The following FGF7 variants were observed in gnomAD, a reference collection of about 807,000 sequenced individuals.
FGF7 encodes FGF-7.
A neutral mutation model predicts 20.5 loss-of-function variants in FGF7; 6 were observed. That is an observed-to-expected ratio of 0.29 (90% confidence interval 0.16 to 0.58). The LOEUF is 0.58. Ranked by LOEUF, FGF7 falls within the 20% of genes least tolerant of loss-of-function variation. The pLI is 0.90. For synonymous variants in FGF7, 64 were observed against 74.7 expected (o/e 0.86, Z 0.74); for missense variants, 144 against 228.8 (o/e 0.63, Z 2.39).
At chr15:49,425,310 T>G (rs930335427) in intron 2 of FGF7, 2 of 152,016 alleles carry the variant, frequency 1.3e-5, no homozygotes, top group African/African-American at 4.8e-5. Flanking sequence ...GTTTTTCAAT[T>G]TAAAGCCTTA....
intron 2 of FGF7, among the ~76,000 whole-genome samples, chr15:49,454,418 A>G (rs1336452987): frequency 6.6e-6 from 1 of 152,158 alleles, no homozygotes; most frequent in Non-Finnish European, 1.5e-5. Flanking sequence ...AAGAGCCAAT[A>G]TTTATTGAGT....
intron 2 of FGF7, among the ~76,000 whole-genome samples, chr15:49,439,053 G>A (rs1367380304): frequency 2.0e-5 from 3 of 151,844 alleles, no homozygotes; most frequent in Non-Finnish European, 4.4e-5. Context: ...GGACTCTTAC[G>A]AGGTTGCAAT....
At chr15:49,461,887 A>G (rs1370148419) in intron 2 of FGF7, among the ~76,000 whole-genome samples, 1 of 152,218 alleles carries the variant, frequency 6.6e-6, no homozygotes, top group African/African-American at 2.4e-5. Flanking sequence ...TTTAAGACTG[A>G]TTATTGCCCA....
intron 2 of FGF7, among the ~76,000 whole-genome samples, chr15:49,427,825 T>C (rs2050257835): frequency 6.6e-6 from 1 of 151,780 alleles, no homozygotes; most frequent in Admixed American, 6.6e-5. Flanking sequence ...TGGGCTCGGG[T>C]AGATGGTTGG....
intron 2 of FGF7, among the ~76,000 whole-genome samples, chr15:49,450,818 A>G (rs1597276688): frequency 6.6e-6 from 1 of 152,264 alleles, no homozygotes; most frequent in East Asian, 1.9e-4. Flanking sequence ...AATCTGTTAC[A>G]GGCAATTGGA....
At chr15:49,449,114 T>G (rs1456874864) in intron 2 of FGF7, among the ~76,000 whole-genome samples, 1 of 151,914 alleles carries the variant, frequency 6.6e-6, no homozygotes, top group Admixed American at 6.6e-5. Flanking sequence ...AAACAGAGAC[T>G]TGAATGATAC....
rs2055393992 is a variant in FGF7, at chr15:49,477,018, C to T, written c.287-6133C>T. Among the ~76,000 whole-genome samples the T allele has an allele frequency of 3.3e-5, 5 of 151,594 alleles. No individual in the cohort carries two copies. The South Asian group carries it at 1.0e-3, about 32-fold the overall frequency. On this transcript the variant is annotated intron_variant, in intron 2 of 3. Coordinates refer to ENST00000267843, the MANE Select transcript of FGF7 (RefSeq NM_002009.4). ...GAGCTTGCAGTGAGCGGAGATCCCG[C>T]CACTGCACTCCAGCCTGGGCGACAA...
intron 2 of FGF7, among the ~76,000 whole-genome samples, chr15:49,455,826 T>C (rs898473911): frequency 6.6e-6 from 1 of 152,166 alleles, no homozygotes; most frequent in African/African-American, 2.4e-5. Context: ...CTTATCACTA[T>C]TGGGTATTAT....
intron 2 of FGF7, among the ~76,000 whole-genome samples, chr15:49,459,828 T>C (rs1457891725): frequency 6.6e-6 from 1 of 152,108 alleles, no homozygotes; most frequent in Non-Finnish European, 1.5e-5. Flanking sequence ...TCCACATTCA[T>C]CTCTTCCCAA....
chr15:49,446,149 C>A (rs1436328052), intron 2 of FGF7, among the ~76,000 whole-genome samples: 1 of 151,456 alleles, frequency 6.6e-6, no homozygotes, highest in Non-Finnish European at 1.5e-5. Context: ...AGGCTGACAA[C>A]AATTTTCATT....
chr15:49,479,918 G>C (rs1239066402), intron 2 of FGF7, among the ~76,000 whole-genome samples: 1 of 152,066 alleles, frequency 6.6e-6, no homozygotes, highest in Admixed American at 6.5e-5. Flanking sequence ...TCCGCCCATA[G>C]TTAACACTTC....
At position 49,485,489 on chromosome 15, in the gene FGF7, A is replaced by G. The variant is rs1403987106; in HGVS notation, c.*985A>G. ...TGTTATTTATAAAAAAAAAACCTTA[A>G]TAAGCTGTATCTGTTTCATATGCTT... On this transcript the variant is annotated 3_prime_UTR_variant, in exon 4 of 4. Coordinates refer to ENST00000267843, the MANE Select transcript of FGF7 (RefSeq NM_002009.4). 3 of 152,326 alleles carry G rather than the reference A, an allele frequency of 2.0e-5. No individual in the cohort carries two copies. The highest frequency in any genetic ancestry group is 4.4e-5 in the Non-Finnish European group (3 of 67,946). 9.4% of individuals were successfully genotyped at this position (152,326 alleles called of 1,614,324 possible).
At chr15:49,432,411 G>A (rs1226898399) in intron 2 of FGF7, among the ~76,000 whole-genome samples, 2 of 151,612 alleles carry the variant, frequency 1.3e-5, no homozygotes, top group Non-Finnish European at 3.0e-5. Context: ...ATTTCTCTGA[G>A]TCTATACTAT....
rs75884134 is a variant in FGF7 at position 49,439,590 on chromosome 15, T to C, written c.286+15007T>C. On this transcript the variant is annotated intron_variant, in intron 2 of 3. Coordinates refer to ENST00000267843, the MANE Select transcript of FGF7 (RefSeq NM_002009.4). ...ACATAAAATTAAGTTAAAGCAACAA[T>C]AGAAGAGAAACAGAGCAATAAGTTT... Among the ~76,000 whole-genome samples the C allele has an allele frequency of 2.7e-3, 415 of 151,800 alleles. 5 individuals are homozygous for C. The highest frequency in any genetic ancestry group is 9.4e-3 in the African/African-American group (390 of 41,454).
Position 49,487,969 on chromosome 15 carries a change from T to G in FGF7, c.*3465T>G, listed in dbSNP as rs1375556911. ...TTATTTGCCTCCCATAATCCAACTT[T>G]ACACATAAATAACACAAGGCTAAAG... is the stretch of plus-strand genomic sequence containing the variant. On this transcript the variant is annotated 3_prime_UTR_variant, in exon 4 of 4. Transcript: ENST00000267843. 6.6e-6 allele frequency: 1 copy of G among 151,914 alleles called. No homozygotes were observed. Among genetic ancestry groups the G allele is most frequent in the Admixed American group, 6.6e-5 (1 of 15,202 alleles). 9.4% of individuals were successfully genotyped at this position (151,914 alleles called of 1,614,324 possible).
chr15:49,438,730 G>A (rs1469565155), intron 2 of FGF7, among the ~76,000 whole-genome samples: 1 of 151,566 alleles, frequency 6.6e-6, no homozygotes, highest in Non-Finnish European at 1.5e-5. Context: ...CTAGGCCTCA[G>A]TTTTTGTTTT....
At position 49,424,504 on chromosome 15, in the gene FGF7, C is replaced by T. The variant is rs529145599; in HGVS notation, c.207C>T (p.Leu69=). ...GAGGGGATATAAGAGTGAGAAGACT[C>T]TTCTGTCGAACACAGTGGTACCTGA... ...MEGGDIRVRR[L]FCRTQWYLRI... Residue 69 remains leucine, a synonymous_variant, in exon 2 of 4, where the codon CTC becomes CTT. Coordinates refer to ENST00000267843, the MANE Select transcript of FGF7 (RefSeq NM_002009.4). 23 of 1,613,320 alleles carry T rather than the reference C, an allele frequency of 1.4e-5. No individual in the cohort carries two copies. In the African/African-American group the frequency reaches 1.9e-4, roughly 13 times the overall value.
chr15:49,426,740 G>A (rs1446494674), intron 2 of FGF7, among the ~76,000 whole-genome samples: 1 of 151,664 alleles, frequency 6.6e-6, no homozygotes, highest in African/African-American at 2.4e-5. Context: ...AAAGGAAGTC[G>A]CCCTATATTG....
chr15:49,456,712 A>T (rs2053326516), intron 2 of FGF7, among the ~76,000 whole-genome samples: 3 of 152,060 alleles, frequency 2.0e-5, no homozygotes, highest in African/African-American at 7.2e-5. Flanking sequence ...TTCTGAAAAG[A>T]AAAAAGGGGA....
Sources: gnomAD v4.1 joint callset for allele counts (sites outside exome capture counted in the v4.1 genomes callset) on GRCh38, gnomAD v4.1.1 for gene constraint, MANE v1.5 for transcripts, NCBI Gene and HGNC (gene_info 2026-07-23, HGNC 2026-07-21) for gene names.